SULF2: variants seen among roughly 807,000 people sequenced by gnomAD.
SULF2 encodes sulfatase 2, also known as extracellular sulfatase Sulf-2.
Under a neutral mutation model 107.7 loss-of-function variants are expected in SULF2, and 52 were observed. That is an observed-to-expected ratio of 0.48 (90% CI 0.39 to 0.61). The LOEUF (loss-of-function observed/expected upper bound fraction) is 0.61, where lower values mean the gene tolerates loss of function less well. SULF2 is among the 20% of genes least tolerant of loss of function. The pLI is 0.00. For synonymous variants in SULF2, 460 were observed against 464.3 expected (o/e 0.99, Z 0.12); for missense variants, 993 against 1,177.3 (o/e 0.84, Z 2.29).
intron 18 of SULF2, 145 bp downstream of exon 18, chr20:47,661,628 A>T (rs972051009): frequency 3.9e-6 from 3 of 766,548 alleles, no homozygotes; most frequent in Non-Finnish European, 5.7e-6. Flanking sequence ...TGCTATGGAC[A>T]GGGGCTCCCA....
intron 4 of SULF2, among the ~76,000 whole-genome samples, chr20:47,693,330 C>T (rs918375443): frequency 1.3e-5 from 2 of 152,118 alleles, no homozygotes; most frequent in Admixed American, 6.5e-5. Flanking sequence ...GAGATGGAAC[C>T]GCCAGTGGTG....
At chr20:47,710,895 G>A (rs1368814662) in intron 3 of SULF2, among the ~76,000 whole-genome samples, 1 of 152,180 alleles carries the variant, frequency 6.6e-6, no homozygotes, top group Non-Finnish European at 1.5e-5. Flanking sequence ...ACGATTCGGA[G>A]CCTGATGGGA....
intron 4 of SULF2, among the ~76,000 whole-genome samples, chr20:47,700,044 G>A (rs1481147958): frequency 6.6e-6 from 1 of 152,204 alleles, no homozygotes; most frequent in Non-Finnish European, 1.5e-5. Context: ...TTGGCAGCTG[G>A]TCTGGGGAAA....
chr20:47,681,828 G>T (rs1446937198), intron 7 of SULF2, among the ~76,000 whole-genome samples: 2 of 152,194 alleles, frequency 1.3e-5, no homozygotes, highest in Non-Finnish European at 2.9e-5. Context: ...GGGATTACAG[G>T]TGTACGCCAC....
chr20:47,681,631 G>T (rs546319585), intron 7 of SULF2, among the ~76,000 whole-genome samples: 1 of 152,268 alleles, frequency 6.6e-6, no homozygotes, highest in African/African-American at 2.4e-5. Context: ...GTGGCCTTGG[G>T]TGTAAAATGG....
At chr20:47,663,759 C>A in intron 15 of SULF2, 137 bp from the exon 16 acceptor site, 4 of 1,026,360 alleles carry the variant, frequency 3.9e-6, no homozygotes, top group Non-Finnish European at 5.6e-6. Flanking sequence ...TTCAGGGTCC[C>A]AAGTCCCAGT....
chr20:47,725,145 G>A (rs184460386), intron 3 of SULF2, among the ~76,000 whole-genome samples: 1 of 152,308 alleles, frequency 6.6e-6, no homozygotes, highest in Admixed American at 6.5e-5. Flanking sequence ...GTGGGCGGGC[G>A]ACATTTGCCA....
intron 3 of SULF2, among the ~76,000 whole-genome samples, chr20:47,726,796 G>A (rs1368629440): frequency 1.3e-5 from 2 of 152,160 alleles, no homozygotes; most frequent in African/African-American, 2.4e-5. Context: ...TGAAACCCCC[G>A]GAAGCCTCTT....
intron 10 of SULF2, 48 bp downstream of exon 10, chr20:47,676,446 G>A: frequency 1.3e-6 from 2 of 1,589,062 alleles, no homozygotes; most frequent in Non-Finnish European, 1.7e-6. Flanking sequence ...GTCAGGGCCG[G>A]CTGCAGTCAG....
chr20:47,661,400 G>T (rs2087061262), intron 18 of SULF2: 1 of 159,812 alleles, frequency 6.3e-6, no homozygotes, highest in South Asian at 2.0e-4. Flanking sequence ...GCTGTGGACT[G>T]CTCTTCTTAG....
At chr20:47,785,047 G>A (rs1383607289) in intron 1 of SULF2, among the ~76,000 whole-genome samples, 1 of 152,026 alleles carries the variant, frequency 6.6e-6, no homozygotes, top group African/African-American at 2.4e-5. Flanking sequence ...GCCTGTGCTC[G>A]GTGTGCCGTG....
At chr20:47,736,561 T>C (rs1167026878) in intron 3 of SULF2, 142 bp downstream of exon 3, 1 of 1,187,506 alleles carries the variant, frequency 8.4e-7, no homozygotes, top group African/African-American at 1.5e-5. Context: ...CAGAAATAAA[T>C]GCACAACTCT....
intron 1 of SULF2, among the ~76,000 whole-genome samples, chr20:47,765,373 A>AAAC (rs1422416171): frequency 2.1e-3 from 120 of 58,196 alleles, no homozygotes; most frequent in Middle Eastern, 8.3e-3. Flanking sequence ...AAACAAAACA[A>AAAC]AAAAAAAAAA....
chr20:47,739,590 G>A (rs528687753), intron 2 of SULF2, among the ~76,000 whole-genome samples: 2 of 152,164 alleles, frequency 1.3e-5, no homozygotes, highest in Non-Finnish European at 2.9e-5. Context: ...ACCACCTCCC[G>A]CAACCCATAG....
chr20:47,672,246 C>A lies in SULF2; in HGVS notation c.1528G>T (p.Asp510Tyr). ...CGTCCGGCCAGGCTGAGCTTGTAGT[C>A]CCCGCTGTCACAGGTGCAGGCCTCG... The part of the protein sequence containing the change: ...GSEACTCDSG[D>Y]YKLSLAGRRK... Residue 510 changes from aspartate to tyrosine, a missense_variant, in exon 11 of 21, where the codon GAC becomes TAC. Transcript: ENST00000688720. The A allele has an allele frequency of 6.2e-7, 1 of 1,613,296 alleles. No homozygotes were observed. Among genetic ancestry groups the A allele is most frequent in the Non-Finnish European group, 8.5e-7 (1 of 1,179,528 alleles).
intron 14 of SULF2, among the ~76,000 whole-genome samples, chr20:47,664,623 A>C (rs1287664750): frequency 6.6e-6 from 1 of 152,142 alleles, no homozygotes; most frequent in African/African-American, 2.4e-5. Context: ...TGTGTTTTGC[A>C]ACACTTTCTG....
chr20:47,786,098 TG>T (rs2090928476), upstream of SULF2: 1 of 152,100 alleles, frequency 6.6e-6, no homozygotes, highest in Non-Finnish European at 1.5e-5. Flanking sequence ...GAAACAGATG[TG>T]GGATTCGCCC....
intron 7 of SULF2, 49 bp downstream of exon 7, chr20:47,682,945 G>A (rs768218489): frequency 2.0e-6 from 3 of 1,529,548 alleles, no homozygotes; most frequent in South Asian, 2.5e-5. Flanking sequence ...TTGAAGCCCT[G>A]AGCTGGGCCC....
At chr20:47,737,616 G>A (rs1457264967) in intron 2 of SULF2, among the ~76,000 whole-genome samples, 1 of 151,970 alleles carries the variant, frequency 6.6e-6, no homozygotes, top group East Asian at 1.9e-4. Flanking sequence ...CATCGGCCTA[G>A]TACCCTCTCG....
Sources: allele counts gnomAD v4.1 joint callset (sites outside exome capture counted in the v4.1 genomes callset), GRCh38; gene constraint gnomAD v4.1.1; transcripts MANE v1.5; gene names NCBI Gene and HGNC (gene_info 2026-07-23, HGNC 2026-07-21).